Variants in FGD1 observed in about 807,000 individuals in gnomAD.
The protein encoded by FGD1 is FYVE, RhoGEF and PH domain-containing protein 1.
FGD1 carries 12 observed loss-of-function variants against 65.0 expected under a neutral mutation model. That is an observed-to-expected ratio of 0.18 (90% CI 0.12 to 0.30). The LOEUF (loss-of-function observed/expected upper bound fraction) is 0.30, where lower values mean the gene tolerates loss of function less well. Ranked by LOEUF, FGD1 falls within the 10% of genes least tolerant of loss-of-function variation. The probability of loss-of-function intolerance (pLI) is 1.00; values close to 1 mark genes in which losing one functional copy is unlikely to be tolerated. For synonymous variants in FGD1, 333 were observed against 343.9 expected, an observed-to-expected ratio of 0.97 and a Z score of 0.35; for missense variants, 542 against 837.6, an observed-to-expected ratio of 0.65 and a Z score of 4.36.
At chrX:54,472,214 G>A (rs1409493606) in intron 1 of FGD1, among the ~76,000 whole-genome samples, 1 of 108,755 alleles carries the variant, frequency 9.2e-6, no homozygotes, top group African/African-American at 3.4e-5. Context: ...GGAGGTGGAG[G>A]TTGCAGGGAG....
In FGD1 at chrX:54,467,855, A is replaced by C; in HGVS notation, c.1269T>G (p.Ser423=). ...FPADVVHGIF[S]NICSIYCFHQ... ...GGAAGCAATAGATGGAGCAGATGTT[A>C]GAGAAGATGCCGTGGACAACGTCGG... Residue 423 remains serine (S), a synonymous_variant, in exon 6 of 18, where the codon TCT becomes TCG. Coordinates refer to ENST00000375135, the MANE Select transcript of FGD1 (RefSeq NM_004463.3). 1 of 1,171,800 alleles carries C rather than the reference A, an allele frequency of 8.5e-7. No individual in the cohort carries two copies. Among genetic ancestry groups the C allele is most frequent in the Non-Finnish European group, 1.1e-6 (1 of 874,779 alleles).
intron 8 of FGD1, among the ~76,000 whole-genome samples, chrX:54,457,314 G>A (rs1164516070): frequency 9.0e-6 from 1 of 111,649 alleles, no homozygotes; most frequent in Non-Finnish European, 1.9e-5. Context: ...ACAATGAGAT[G>A]ATCCTGTTCT....
At chrX:54,485,132 A>T (rs1004244034) in intron 1 of FGD1, among the ~76,000 whole-genome samples, 1 of 111,778 alleles carries the variant, frequency 8.9e-6, no homozygotes, top group Non-Finnish European at 1.9e-5. Flanking sequence ...GAGTCTTTAC[A>T]TTTTGTTGTG....
At chrX:54,481,408 T>C (rs1298269933) in intron 1 of FGD1, among the ~76,000 whole-genome samples, 2 of 100,917 alleles carry the variant, frequency 2.0e-5, no homozygotes, top group Admixed American at 2.3e-4. Context: ...ATTCAACTGC[T>C]GAACACCCAC....
chrX:54,480,716 A>G (rs1321310666), intron 1 of FGD1, among the ~76,000 whole-genome samples: 1 of 108,612 alleles, frequency 9.2e-6, no homozygotes, highest in African/African-American at 3.4e-5. Context: ...CAGTGGCGCA[A>G]TCTCAGCTCA....
At chrX:54,494,416 TTTTTTTTTTTTC>T (rs974705330) in intron 1 of FGD1, among the ~76,000 whole-genome samples, 7 of 99,423 alleles carry the variant, frequency 7.0e-5, no homozygotes, top group African/African-American at 2.6e-4. Flanking sequence ...TTTTTTTTTT[TTTTTTTTTTTTC>T]CGCTCATACT....
chrX:54,448,014 A>G (rs1192749401), intron 16 of FGD1, among the ~76,000 whole-genome samples: 1 of 111,435 alleles, frequency 9.0e-6, no homozygotes, highest in African/African-American at 3.3e-5. Flanking sequence ...ATAAATACCT[A>G]GATTTGTTTT....
rs1399510288 is a variant in FGD1, at chrX:54,495,590, G to A, written c.-158C>T. 9 of 263,040 alleles carry A rather than the reference G, an allele frequency of 3.4e-5. No homozygotes were observed. Among genetic ancestry groups the A allele is most frequent in the East Asian group, 1.3e-4 (2 of 14,978 alleles). The allele number at this position is 263,040 out of a possible 1,213,427, so 21.7% of individuals were successfully genotyped here. ...CCCACTGCAGAGACTCAAGCCCCCA[G>A]CCCGGGCCCGGGCCAGCAGCCGTGG... is the stretch of plus-strand genomic sequence containing the variant. On this transcript the variant is annotated 5_prime_UTR_variant, in exon 1 of 18. Coordinates refer to ENST00000375135, the MANE Select transcript of FGD1 (RefSeq NM_004463.3).
chrX:54,446,125 G>C lies in FGD1; in HGVS notation c.2870C>G (p.Thr957Ser). The change falls in exon 18 of 18, where the codon ACC (threonine) becomes AGC (serine). Residue 957 changes from threonine to serine, a missense_variant. Around this residue, in one of 6 missense-constraint regions of FGD1, gnomAD observed 182 missense variants for 311.4 expected, o/e 0.58. Transcript: ENST00000375135. ...ATAEPPESPQ[T>S]RDKT ...CCAAACCCTCTAGGTCTTGTCTCGG[G>C]TCTGGGGGGATTCGGGGGGTTCAGC... The C allele has an allele frequency of 8.3e-7, 1 of 1,210,138 alleles. No individual in the cohort carries two copies. The highest frequency in any genetic ancestry group is 1.1e-6 in the Non-Finnish European group (1 of 894,705).
Position 54,495,358 on chromosome X carries a change from G to A in FGD1, c.75C>T (p.Ala25=). ...PEHPATNPPG[A]APPACADSDP... ...CCGAGTCGGCACAGGCCGGCGGAGC[G>A]GCGCCCGGCGGGTTCGTGGCCGGGT... Residue 25 remains alanine, a synonymous_variant, in exon 1 of 18, where the codon GCC becomes GCT. Transcript: ENST00000375135. 1 of 1,150,368 alleles carries A rather than the reference G, an allele frequency of 8.7e-7. No individual in the cohort carries two copies. Among genetic ancestry groups the A allele is most frequent in the South Asian group, 1.9e-5 (1 of 51,530 alleles). The allele number at this position is 1,150,368 out of a possible 1,213,427, so 94.8% of individuals were successfully genotyped here.
intron 12 of FGD1, among the ~76,000 whole-genome samples, chrX:54,452,044 A>T (rs1922389513): frequency 9.2e-6 from 1 of 109,196 alleles, no homozygotes; most frequent in Admixed American, 9.9e-5. Context: ...AAGCGGGAGG[A>T]TTGCTTGAGG....
rs1923503189 is a variant in FGD1 at position 54,495,206 on chromosome X, A to G, written c.227T>C (p.Val76Ala). Residue 76 changes from valine to alanine, a missense_variant, in exon 1 of 18, where the codon GTC (valine) becomes GCC (alanine). Val to Ala is a moderately conservative substitution (Grantham distance 64, BLOSUM62 0). Transcript: ENST00000375135. ...TSLGAAPGHR[V>A]LPCGPSPQHH... ...CTGTGGACTGGGACCGCAGGGCAAG[A>G]CCCGGTGGCCTGGAGCAGCGCCCAG... is the stretch of plus-strand genomic sequence containing the variant. The G allele has an allele frequency of 8.4e-7, 1 of 1,187,764 alleles. No individual in the cohort carries two copies. The highest frequency in any genetic ancestry group is 1.8e-5 in the African/African-American group (1 of 56,686).
chrX:54,467,106 AC>A (rs1205880989), intron 6 of FGD1, among the ~76,000 whole-genome samples: 1 of 110,646 alleles, frequency 9.0e-6, no homozygotes, highest in Non-Finnish European at 1.9e-5. Context: ...CCTTAAAACA[AC>A]CCTACAAGGT....
At chrX:54,480,939 AC>A (rs1391371006) in intron 1 of FGD1, among the ~76,000 whole-genome samples, 2 of 112,000 alleles carry the variant, frequency 1.8e-5, no homozygotes, top group African/African-American at 6.5e-5. Context: ...GGCATGAGCC[AC>A]TGTGCCCGGC....
At chrX:54,462,380 C>A (rs1872615892) in intron 8 of FGD1, among the ~76,000 whole-genome samples, 2 of 105,805 alleles carry the variant, frequency 1.9e-5, no homozygotes, top group Admixed American at 2.0e-4. Context: ...CAGCTGTCCA[C>A]TTCCCATTCT....
intron 1 of FGD1, among the ~76,000 whole-genome samples, chrX:54,493,453 C>T (rs1601962990): frequency 8.9e-6 from 1 of 111,877 alleles, no homozygotes; most frequent in Non-Finnish European, 1.9e-5. Flanking sequence ...GATGGAAGCA[C>T]ACTCACAGTC....
chrX:54,492,624 G>T (rs770479565), intron 1 of FGD1, among the ~76,000 whole-genome samples: 68 of 112,328 alleles, frequency 6.1e-4, no homozygotes, highest in Non-Finnish European at 1.1e-3. Flanking sequence ...CACATGGCCC[G>T]GCGCCCGCCT....
Position 54,471,400 on chromosome X carries a change from C to T in FGD1, c.395G>A (p.Arg132Gln), listed in dbSNP as rs145644275. 2,376 of 1,209,766 alleles carry T rather than the reference C, an allele frequency of 2.0e-3. 1 individual carries two copies. The highest frequency in any genetic ancestry group is 2.4e-3 in the Non-Finnish European group (2,175 of 895,065). ...SLEPHPEGPQ[R>Q]LRSDPGPPTE... ...CGGGGGACCTGGGTCTGAGCGAAGC[C>T]GCTGGGGACCTTCTGGATGAGGCTC... is the stretch of plus-strand genomic sequence containing the variant. The change falls in exon 2 of 18, where the codon CGG (arginine) becomes CAG (glutamine). Residue 132 changes from arginine to glutamine, a missense_variant. Arg to Gln is a conservative substitution (Grantham distance 43). Coordinates refer to ENST00000375135, the MANE Select transcript of FGD1 (RefSeq NM_004463.3).
chrX:54,452,224 G>A (rs1329133725), intron 12 of FGD1, among the ~76,000 whole-genome samples: 3 of 86,328 alleles, frequency 3.5e-5, no homozygotes, highest in East Asian at 4.1e-4. Flanking sequence ...CCATGATAAC[G>A]CCACTGCACT....
Sources: allele counts gnomAD v4.1 joint callset (sites outside exome capture counted in the v4.1 genomes callset), GRCh38; gene constraint gnomAD v4.1.1; regional missense constraint gnomAD v4.1.1; transcripts MANE v1.5; gene names NCBI Gene and HGNC (gene_info 2026-07-23, HGNC 2026-07-21).